Variants in ITPRID1 observed in about 807,000 individuals in gnomAD.
The protein encoded by ITPRID1 is protein ITPRID1.
A neutral mutation model predicts 95.4 loss-of-function variants in ITPRID1; 96 were observed. That is an observed-to-expected ratio of 1.01 (90% CI 0.85 to 1.19). The LOEUF is 1.19. ITPRID1 is among the 50% of genes most tolerant of loss of function. The pLI is 0.00. For synonymous variants in ITPRID1, 510 were observed against 453.6 expected, an observed-to-expected ratio of 1.12 and a Z score of -1.58; for missense variants, 1,339 against 1,252.9, an observed-to-expected ratio of 1.07 and a Z score of -1.04.
In ITPRID1 at chr7:31,572,832, T is replaced by G. The variant is rs200508556; in HGVS notation, c.395+644T>G. 1.3e-4 allele frequency among the ~76,000 whole-genome samples: 20 copies of G among 152,316 alleles called. No homozygotes were observed. In the East Asian group the frequency reaches 3.7e-3, roughly 28 times the overall value. ...ATACTTATATTCTTGGTCAAGAGAC[T>G]GAAGCCTTTGGAAAGCAGGAACTGT... On this transcript the variant is annotated intron_variant, in intron 7 of 14. Transcript: ENST00000615280.
Position 31,643,331 on chromosome 7 carries a change from C to T in ITPRID1, c.1961C>T (p.Thr654Ile). Reference protein sequence around the residue: ...PKHSEITPYATDLAQTSEKLI... With the variant: ...PKHSEITPYAIDLAQTSEKLI... ...CACAGTGAAATCACACCTTATGCAACTGACCTTGCTCAAACATCTGAAAAG... is the reference window on the plus strand; with the variant it reads ...CACAGTGAAATCACACCTTATGCAATTGACCTTGCTCAAACATCTGAAAAG... Residue 654 changes from threonine (T) to isoleucine (I), a missense_variant, in exon 12 of 15, where the codon ACT becomes ATT. Physicochemically the swap from Thr to Ile is moderately conservative, Grantham distance 89 (BLOSUM62 -1). Coordinates refer to ENST00000615280, the MANE Select transcript of ITPRID1 (RefSeq NM_001257967.3). The T allele has an allele frequency of 6.2e-7, 1 of 1,614,016 alleles. No homozygotes were observed. Among genetic ancestry groups the T allele is most frequent in the Non-Finnish European group, 8.5e-7 (1 of 1,179,894 alleles).
chr7:31,564,938 T>G (rs1784745900), intron 5 of ITPRID1, among the ~76,000 whole-genome samples: 1 of 152,130 alleles, frequency 6.6e-6, no homozygotes, highest in South Asian at 2.1e-4. Flanking sequence ...CTTGCACTTC[T>G]CCATTCAAGT....
intron 5 of ITPRID1, among the ~76,000 whole-genome samples, chr7:31,562,466 T>A (rs1396625528): frequency 6.6e-6 from 1 of 152,194 alleles, no homozygotes; most frequent in Non-Finnish European, 1.5e-5. Context: ...AACTCATTTC[T>A]TTTCAAAAGG....
rs1785261504 is a variant in ITPRID1 at position 31,578,179 on chromosome 7, G to C, written c.915G>C (p.Lys305Asn). Residue 305 changes from lysine (K) to asparagine (N), a missense_variant, in exon 9 of 15, where the codon AAG becomes AAC. Lys to Asn is a moderately conservative substitution (Grantham distance 94). Coordinates refer to ENST00000615280, the MANE Select transcript of ITPRID1 (RefSeq NM_001257967.3). ...AELAATSINH[K>N]QNHLSLSVEH... Reference sequence around the variant, plus strand: ...TAGCAGCAACCTCAATCAACCACAAGCAAAATCATTTGTCTCTGTCAGTAG... The same window carrying C: ...TAGCAGCAACCTCAATCAACCACAACCAAAATCATTTGTCTCTGTCAGTAG... 3 of 1,613,776 alleles carry C rather than the reference G, an allele frequency of 1.9e-6. No homozygotes were observed. The highest frequency in any genetic ancestry group is 2.7e-5 in the African/African-American group (2 of 75,026).
chr7:31,558,898 C>A (rs953260390), intron 5 of ITPRID1, among the ~76,000 whole-genome samples: 20 of 152,028 alleles, frequency 1.3e-4, no homozygotes, highest in African/African-American at 4.8e-4. Context: ...GGTTTTAATG[C>A]CACTAAAATA....
chr7:31,553,487 G>A (rs977772766), intron 3 of ITPRID1, among the ~76,000 whole-genome samples: 1 of 152,138 alleles, frequency 6.6e-6, no homozygotes, highest in African/African-American at 2.4e-5. Context: ...TGGGGTCTGG[G>A]CATGAGGCTT....
At position 31,651,174 on chromosome 7, in the gene ITPRID1, G is replaced by T. The variant is rs868431306; in HGVS notation, c.2616G>T (p.Thr872=). The change falls in exon 13 of 15, where the codon ACG becomes ACT. Residue 872 remains threonine, a synonymous_variant. Coordinates refer to ENST00000615280, the MANE Select transcript of ITPRID1 (RefSeq NM_001257967.3). ...TCCATGAGATGGAAGCCATGAAGACGATATGCCAAAGTTTCCGGGAGTATT... is the reference window on the plus strand; with the variant it reads ...TCCATGAGATGGAAGCCATGAAGACTATATGCCAAAGTTTCCGGGAGTATT... The part of the protein sequence containing the change: ...CTVHEMEAMK[T]ICQSFREYLE... 6.2e-7 allele frequency: 1 copy of T among 1,613,390 alleles called. No individual in the cohort carries two copies. The highest frequency in any genetic ancestry group is 1.3e-5 in the African/African-American group (1 of 74,892).
intron 1 of ITPRID1, among the ~76,000 whole-genome samples, chr7:31,546,397 T>C (rs1426536462): frequency 6.7e-6 from 1 of 148,890 alleles, no homozygotes; most frequent in Non-Finnish European, 1.5e-5. Flanking sequence ...CAGAGAAATA[T>C]TGTGTGTGTG....
intron 5 of ITPRID1, among the ~76,000 whole-genome samples, chr7:31,556,523 C>T (rs77751778): frequency 0.02 from 3,003 of 152,116 alleles, 108 homozygotes; most frequent in African/African-American, 0.069. Flanking sequence ...CTATTAATAT[C>T]AGCCCCACTG....
At position 31,643,206 on chromosome 7, in the gene ITPRID1, T is replaced by G. The variant is rs1435055104; in HGVS notation, c.1836T>G (p.Val612=). The G allele has an allele frequency of 2.5e-6, 4 of 1,613,974 alleles. No individual in the cohort carries two copies. Among genetic ancestry groups the G allele is most frequent in the Non-Finnish European group, 3.4e-6 (4 of 1,179,898 alleles). Residue 612 remains valine (V), a synonymous_variant, in exon 12 of 15, where the codon GTT becomes GTG. Transcript: ENST00000615280. ...ATACTCAAGACAAGTTCCTTCATGT[T>G]GACTCTGAGGCCCCACGAGAAGAGG... ...NDHTQDKFLH[V]DSEAPREEES... is the part of the protein sequence containing the mutation.
intron 1 of ITPRID1, among the ~76,000 whole-genome samples, chr7:31,542,294 C>T (rs1783957887): frequency 6.6e-6 from 1 of 152,172 alleles, no homozygotes. Flanking sequence ...AGCTGCAAAG[C>T]TCGCAAGTTG....
rs1190664554 is a variant in ITPRID1, at chr7:31,653,576, AC to A, written c.*748del. 4.6e-5 allele frequency: 7 copies of A among 152,186 alleles called. No homozygotes were observed. The highest frequency in any genetic ancestry group is 1.4e-4 in the African/African-American group (6 of 41,456). 9.4% of individuals were successfully genotyped at this position (152,186 alleles called of 1,614,324 possible). On this transcript the variant is annotated 3_prime_UTR_variant, in exon 15 of 15. Coordinates refer to ENST00000615280, the MANE Select transcript of ITPRID1 (RefSeq NM_001257967.3). The stretch of plus-strand genomic sequence containing the variant: ...TTTTAGACTAAAGATTTTAGGGACC[AC>A]AAGGAATTTCCCAGTGGGCAAATTG...
In ITPRID1 at chr7:31,656,457, T is replaced by A. The variant is rs1331589740; in HGVS notation, c.*3628T>A. The A allele has an allele frequency of 1.0e-6, 1 of 968,066 alleles. No individual in the cohort carries two copies. Among genetic ancestry groups the A allele is most frequent in the Non-Finnish European group, 1.2e-6 (1 of 814,142 alleles). 60.0% of individuals were successfully genotyped at this position (968,066 alleles called of 1,614,324 possible). On this transcript the variant is annotated 3_prime_UTR_variant, in exon 15 of 15. Coordinates refer to ENST00000615280, the MANE Select transcript of ITPRID1 (RefSeq NM_001257967.3). ...TAGTAAGTGTTCAATGCATGTTGGC[T>A]ATTATTACAAGTGCACATACCAAGA...
intron 10 of ITPRID1, among the ~76,000 whole-genome samples, chr7:31,640,392 C>T (rs1007930613): frequency 6.6e-6 from 1 of 152,210 alleles, no homozygotes; most frequent in Non-Finnish European, 1.5e-5. Flanking sequence ...CTAGAGTTCT[C>T]TCTGTGTGCA....
intron 10 of ITPRID1, among the ~76,000 whole-genome samples, chr7:31,604,411 C>G (rs920661430): frequency 4.6e-5 from 7 of 152,176 alleles, no homozygotes; most frequent in African/African-American, 1.7e-4. Context: ...CTTTATTTCT[C>G]TAGCAAAAAA....
intron 9 of ITPRID1, among the ~76,000 whole-genome samples, chr7:31,579,927 G>A (rs181259374): frequency 9.3e-4 from 142 of 152,122 alleles, no homozygotes; most frequent in African/African-American, 3.2e-3. Flanking sequence ...CTGAGAAGGC[G>A]CTAAAAAAAG....
At chr7:31,543,492 G>T (rs528045897) in intron 1 of ITPRID1, among the ~76,000 whole-genome samples, 91 of 143,830 alleles carry the variant, frequency 6.3e-4, no homozygotes, top group Admixed American at 1.4e-3. Flanking sequence ...GTGTTTACTA[G>T]TGTCTCATTG....
At chr7:31,657,211 G>T (rs1227060198), downstream of ITPRID1, among the ~76,000 whole-genome samples, 1 of 15,824 alleles carries the variant, frequency 6.3e-5, no homozygotes, top group Non-Finnish European at 1.6e-4. Flanking sequence ...AAGACTGTAA[G>T]TTGTCTAAGC....
intron 1 of ITPRID1, among the ~76,000 whole-genome samples, chr7:31,530,300 C>A (rs1214894051): frequency 6.6e-6 from 1 of 152,098 alleles, no homozygotes; most frequent in Non-Finnish European, 1.5e-5. Context: ...TAAGAAAAAG[C>A]TAAAGAAATG....
Sources: allele counts gnomAD v4.1 joint callset (sites outside exome capture counted in the v4.1 genomes callset), GRCh38; gene constraint gnomAD v4.1.1; transcripts MANE v1.5; gene names NCBI Gene and HGNC (gene_info 2026-07-23, HGNC 2026-07-21).